The following KLF3 variants were observed in gnomAD, a reference collection of about 807,000 sequenced individuals.
The protein encoded by KLF3 is Krueppel-like factor 3.
KLF3 carries 6 observed loss-of-function variants against 32.7 expected under a neutral mutation model. The observed-to-expected ratio is 0.18, with a 90% CI of 0.10 to 0.36. KLF3 has a LOEUF of 0.36. Among genes scored for constraint, KLF3 ranks in the 10% least tolerant of loss-of-function variants. KLF3 has a pLI of 1.00. For synonymous variants in KLF3, 145 were observed against 172.8 expected, an observed-to-expected ratio of 0.84 and a Z score of 1.26; for missense variants, 338 against 449.7, an observed-to-expected ratio of 0.75 and a Z score of 2.25.
intron 1 of KLF3, among the ~76,000 whole-genome samples, chr4:38,677,277 A>G (rs762093986): frequency 2.6e-5 from 4 of 152,168 alleles, no homozygotes; most frequent in Non-Finnish European, 4.4e-5. Context: ...AGCGTTTTAT[A>G]CTAGACTATG....
chr4:38,695,568 A>T (rs976479743), intron 5 of KLF3, among the ~76,000 whole-genome samples: 1 of 152,192 alleles, frequency 6.6e-6, no homozygotes, highest in African/African-American at 2.4e-5. Flanking sequence ...ATCTTAAGGA[A>T]ATAATACAAA....
At chr4:38,669,955 TGTA>T (rs1722151550) in intron 1 of KLF3, among the ~76,000 whole-genome samples, 1 of 34,806 alleles carries the variant, frequency 2.9e-5, no homozygotes, top group South Asian at 1.0e-3. Flanking sequence ...GTCCTTATTC[TGTA>T]ATGAATGTGA....
Position 38,689,751 on chromosome 4 carries a change from G to C in KLF3, c.567G>C (p.Glu189Asp). 6.3e-7 allele frequency: 1 copy of C among 1,593,916 alleles called. No individual in the cohort carries two copies. Among genetic ancestry groups the C allele is most frequent in the Non-Finnish European group, 8.5e-7 (1 of 1,170,968 alleles). ...SMQVPVIESY[E>D]KPISQKKIKI... ...TAGTACCTGTAATTGAATCATATGA[G>C]AAGCCTATATCACAGAAAAAAATTA... Residue 189 changes from glutamate (E) to aspartate (D), a missense_variant, in exon 4 of 6, where the codon GAG (glutamate) becomes GAC (aspartate). This residue lies in a region of KLF3 where 272 missense variants were observed against 313.4 expected (regional missense o/e 0.87). Transcript: ENST00000261438.
At chr4:38,678,622 A>C (rs1722423406) in intron 1 of KLF3, among the ~76,000 whole-genome samples, 1 of 152,230 alleles carries the variant, frequency 6.6e-6, no homozygotes, top group African/African-American at 2.4e-5. Flanking sequence ...GAAGCACAAG[A>C]ACGACATAGT....
intron 1 of KLF3, among the ~76,000 whole-genome samples, chr4:38,678,874 C>G (rs1464179004): frequency 6.6e-6 from 1 of 152,222 alleles, no homozygotes; most frequent in African/African-American, 2.4e-5. Flanking sequence ...AAGCACTGAG[C>G]ACTTAAACCA....
At chr4:38,665,875 A>T (rs1048049311) in intron 1 of KLF3, among the ~76,000 whole-genome samples, 2 of 152,232 alleles carry the variant, frequency 1.3e-5, no homozygotes, top group African/African-American at 4.8e-5. Flanking sequence ...AGGGAAGAAG[A>T]CTTGCTTTTA....
chr4:38,693,064 A>G (rs371420630), intron 4 of KLF3, among the ~76,000 whole-genome samples: 59 of 140,992 alleles, frequency 4.2e-4, no homozygotes, highest in African/African-American at 4.9e-4. Flanking sequence ...ATATATATAT[A>G]TGTATATATA....
rs140456976 is a variant in KLF3 at position 38,688,956 on chromosome 4, C to T, written c.429C>T (p.Pro143=). The T allele has an allele frequency of 5.6e-6, 9 of 1,614,120 alleles. No homozygotes were observed. The highest frequency in any genetic ancestry group is 4.0e-5 in the African/African-American group (3 of 74,936). ...GAATACGGAGCCCGGGGATCCTGCC[C>T]GTCATCCAGCCGGTGGTGGTGCAGC... The part of the protein sequence containing the change: ...RHGIRSPGIL[P]VIQPVVVQPV... Residue 143 remains proline, a synonymous_variant, in exon 3 of 6, where the codon CCC becomes CCT. Coordinates refer to ENST00000261438, the MANE Select transcript of KLF3 (RefSeq NM_016531.6). This position sits in a 1 kb window ranked among gnomAD's most constrained non-coding sequence, Gnocchi z 4.9.
rs957883759 is a variant in KLF3 at position 38,697,316 on chromosome 4, TG to T, written c.*54del. ...CTCCCCACTCACCTGGCTCTCTCTC[TG>T]TCCTGCCTCCCATTATCTAACACAT... is the stretch of plus-strand genomic sequence containing the variant. On this transcript the variant is annotated 3_prime_UTR_variant, in exon 6 of 6. Transcript: ENST00000261438. 8.7e-5 allele frequency: 127 copies of T among 1,452,902 alleles called. No homozygotes were observed. The African/African-American group carries it at 1.7e-3, about 19-fold the overall frequency. The allele number at this position is 1,452,902 out of a possible 1,614,324, so 90.0% of individuals were successfully genotyped here.
At chr4:38,665,680 A>G (rs185645885) in intron 1 of KLF3, among the ~76,000 whole-genome samples, 1 of 152,358 alleles carries the variant, frequency 6.6e-6, no homozygotes, top group East Asian at 1.9e-4. Flanking sequence ...AGAGTCTGGT[A>G]TATGGGAAAA....
rs1258900973 is a variant in KLF3, at chr4:38,674,646, G to T, written c.-39-5941G>T. Among the ~76,000 whole-genome samples, 1 of 152,122 alleles carries T rather than the reference G, an allele frequency of 6.6e-6. No individual in the cohort carries two copies. Among genetic ancestry groups the T allele is most frequent in the Non-Finnish European group, 1.5e-5 (1 of 68,026 alleles). On this transcript the variant is annotated intron_variant, in intron 1 of 5. Transcript: ENST00000261438. The surrounding 1 kb of genome is among the most constrained non-coding windows in gnomAD (Gnocchi z 4.1). ...AAGGCAGGTGATTTGGAGCCTCGGGGTCAGTCCTGGGTTGGGGAAGATAAT... is the reference window on the plus strand; with the variant it reads ...AAGGCAGGTGATTTGGAGCCTCGGGTTCAGTCCTGGGTTGGGGAAGATAAT...
At chr4:38,692,632 A>G (rs1159639218) in intron 4 of KLF3, among the ~76,000 whole-genome samples, 1 of 152,186 alleles carries the variant, frequency 6.6e-6, no homozygotes, top group Non-Finnish European at 1.5e-5. Context: ...AGGATCACAG[A>G]GACTGTCAGT....
intron 1 of KLF3, among the ~76,000 whole-genome samples, chr4:38,667,162 G>A (rs1722069674): frequency 6.6e-6 from 1 of 152,164 alleles, no homozygotes. Flanking sequence ...CCCCCCTGTT[G>A]TTGTCTTAAA....
At chr4:38,672,053 T>A (rs555537062) in intron 1 of KLF3, among the ~76,000 whole-genome samples, 21 of 152,340 alleles carry the variant, frequency 1.4e-4, no homozygotes, top group African/African-American at 5.1e-4. Flanking sequence ...TAATAAGGTC[T>A]CTGGAGTACA....
At chr4:38,669,947 C>T (rs532783304) in intron 1 of KLF3, among the ~76,000 whole-genome samples, 1 of 34,866 alleles carries the variant, frequency 2.9e-5, no homozygotes, top group South Asian at 9.9e-4. Context: ...CTGGCCTTGT[C>T]CTTATTCTGT....
intron 2 of KLF3, among the ~76,000 whole-genome samples, chr4:38,682,204 G>A (rs1579124245): frequency 2.0e-5 from 3 of 152,188 alleles, no homozygotes; most frequent in East Asian, 3.9e-4. Context: ...GATTACAGGC[G>A]CATGCCACCA....
At chr4:38,673,905 G>C (rs1259406897) in intron 1 of KLF3, among the ~76,000 whole-genome samples, 2 of 152,158 alleles carry the variant, frequency 1.3e-5, no homozygotes, top group Non-Finnish European at 2.9e-5. Flanking sequence ...GTGGAGGCAG[G>C]AAAGTAAAAT....
chr4:38,685,808 A>C (rs1344116797), intron 2 of KLF3, among the ~76,000 whole-genome samples: 20 of 152,212 alleles, frequency 1.3e-4, no homozygotes. Context: ...TATAAAGCAC[A>C]TTAGACTTTA....
intron 1 of KLF3, among the ~76,000 whole-genome samples, chr4:38,673,657 G>A (rs954506390): frequency 6.6e-6 from 1 of 152,170 alleles, no homozygotes; most frequent in Non-Finnish European, 1.5e-5. Context: ...GAACTTAGAG[G>A]GTAGCATAGG....
Sources: gnomAD v4.1 joint callset for allele counts (sites outside exome capture counted in the v4.1 genomes callset) on GRCh38, gnomAD v4.1.1 for gene constraint, gnomAD v4.1.1 regional missense constraint, Gnocchi (gnomAD v3.1) non-coding constraint, MANE v1.5 for transcripts, NCBI Gene and HGNC (gene_info 2026-07-23, HGNC 2026-07-21) for gene names.